The following NBAS variants were observed in gnomAD, a reference collection of about 807,000 sequenced individuals.
NBAS encodes NBAS subunit of NRZ tethering complex, also known as NAG/BC035112 fusion.
NBAS carries 219 observed loss-of-function variants against 302.5 expected under a neutral mutation model. The observed-to-expected ratio is 0.72, with a 90% confidence interval of 0.65 to 0.81. The LOEUF is 0.81. Among genes scored for constraint, NBAS ranks in the 30% least tolerant of loss-of-function variants. NBAS has a pLI of 0.00. For synonymous variants in NBAS, 1,118 were observed against 1,021.6 expected (o/e 1.09, Z -1.80); for missense variants, 2,932 against 2,841.6 (o/e 1.03, Z -0.72).
chr2:15,517,872 A>G (rs1416780162), intron 9 of NBAS, among the ~76,000 whole-genome samples: 1 of 152,152 alleles, frequency 6.6e-6, no homozygotes, highest in East Asian at 1.9e-4. Context: ...TCACAAGAAT[A>G]TCCTACACAT....
chr2:15,010,772 G>A, the NBAS span, among the ~76,000 whole-genome samples: 1 of 152,168 alleles, frequency 6.6e-6, no homozygotes, highest in Non-Finnish European at 1.5e-5. Flanking sequence ...AACACAAAAT[G>A]TGGCTCCAGA....
chr2:15,109,179 G>A, the NBAS span, among the ~76,000 whole-genome samples: 26 of 152,206 alleles, frequency 1.7e-4, no homozygotes, highest in African/African-American at 5.3e-4. Context: ...TAGGGTCCCC[G>A]CTGTATATTA....
chr2:15,422,922 CT>C (rs370772387), intron 23 of NBAS, among the ~76,000 whole-genome samples: 1 of 152,300 alleles, frequency 6.6e-6, no homozygotes, highest in African/African-American at 2.4e-5. Flanking sequence ...AATCATTTTT[CT>C]TGTTAGCCAG....
rs1182310656 is a variant in NBAS, at chr2:15,379,637, A to G, written c.3555T>C (p.Ser1185=). ...CCATGCAGCTATCAGTGAGGTTGGT[A>G]GAAGAATTGAAGTACTCTCTGCTGG... ...LAASREYFNS[S]TNLTDSCMDL... Residue 1185 remains serine (S), a synonymous_variant, in exon 30 of 52, where the codon TCT becomes TCC. Coordinates refer to ENST00000281513, the MANE Select transcript of NBAS (RefSeq NM_015909.4). 10 of 1,613,764 alleles carry G rather than the reference A, an allele frequency of 6.2e-6. No homozygotes were observed. The Admixed American group carries it at 1.3e-4, about 22-fold the overall frequency.
intron 40 of NBAS, among the ~76,000 whole-genome samples, chr2:15,295,708 T>A (rs951956088): frequency 6.6e-6 from 1 of 152,324 alleles, no homozygotes; most frequent in African/African-American, 2.4e-5. Context: ...AGAGATCATG[T>A]GTATATCATA....
chr2:14,938,379 G>A, the NBAS span, among the ~76,000 whole-genome samples: 5 of 152,144 alleles, frequency 3.3e-5, no homozygotes, highest in African/African-American at 1.2e-4. Context: ...CTCAAGCAGG[G>A]ATGATTATGT....
chr2:14,858,559 C>T, the NBAS span, among the ~76,000 whole-genome samples: 2 of 151,908 alleles, frequency 1.3e-5, no homozygotes, highest in Non-Finnish European at 2.9e-5. Context: ...ATAAGTGAGG[C>T]ACAGAAAGAC....
At chr2:14,905,224 C>T in the NBAS span, among the ~76,000 whole-genome samples, 2 of 152,320 alleles carry the variant, frequency 1.3e-5, no homozygotes, top group South Asian at 2.1e-4. Flanking sequence ...ACTTTACCAG[C>T]CATCTAGACA....
At chr2:14,871,566 G>T in the NBAS span, among the ~76,000 whole-genome samples, 4 of 151,896 alleles carry the variant, frequency 2.6e-5, no homozygotes, top group Admixed American at 6.6e-5. Flanking sequence ...TCATGTAAAA[G>T]ATAAAAGCAA....
At chr2:15,461,401 T>A (rs899383240) in intron 20 of NBAS, 64 bp from the exon 21 acceptor site, 3 of 1,562,968 alleles carry the variant, frequency 1.9e-6, no homozygotes, top group African/African-American at 2.7e-5. Flanking sequence ...TGATTTTATA[T>A]GACAACATTC....
intron 6 of NBAS, among the ~76,000 whole-genome samples, chr2:15,546,163 CT>C (rs1332538566): frequency 6.6e-6 from 1 of 152,014 alleles, no homozygotes; most frequent in African/African-American, 2.4e-5. Context: ...TCACAAAACA[CT>C]TATTTTCATA....
the NBAS span, among the ~76,000 whole-genome samples, chr2:14,939,823 C>T: frequency 6.6e-6 from 1 of 152,172 alleles, no homozygotes; most frequent in Admixed American, 6.5e-5. Context: ...TAAAATCATC[C>T]AAAAATGTCC....
At chr2:14,897,508 A>G in the NBAS span, among the ~76,000 whole-genome samples, 1 of 152,060 alleles carries the variant, frequency 6.6e-6, no homozygotes, top group Non-Finnish European at 1.5e-5. Flanking sequence ...ATAATGAAAT[A>G]TTGATTGTCC....
the NBAS span, among the ~76,000 whole-genome samples, chr2:14,940,805 G>A: frequency 2.8e-3 from 432 of 152,290 alleles, 1 homozygote; most frequent in African/African-American, 1.0e-2. Context: ...AAGAATCCAG[G>A]AAAGACCAGA....
chr2:15,517,040 T>C (rs722328), intron 9 of NBAS, among the ~76,000 whole-genome samples: 96,822 of 151,782 alleles, frequency 0.64, 31,600 homozygotes, highest in Non-Finnish European at 0.68. Flanking sequence ...CAACTAACTA[T>C]CCCACAAACT....
chr2:15,432,505 C>G (rs1290268211), intron 21 of NBAS, among the ~76,000 whole-genome samples: 1 of 152,068 alleles, frequency 6.6e-6, no homozygotes, highest in Non-Finnish European at 1.5e-5. Flanking sequence ...AATTATTTCT[C>G]AAACTAAATA....
chr2:15,240,728 G>A (rs1320241505), intron 44 of NBAS, among the ~76,000 whole-genome samples: 1 of 152,136 alleles, frequency 6.6e-6, no homozygotes, highest in Non-Finnish European at 1.5e-5. Flanking sequence ...GAAATGCACT[G>A]CAAATGCAGC....
At chr2:15,103,919 T>C in the NBAS span, among the ~76,000 whole-genome samples, 1 of 152,202 alleles carries the variant, frequency 6.6e-6, no homozygotes, top group South Asian at 2.1e-4. Flanking sequence ...CTTATTTTTC[T>C]TTCATGCTAA....
chr2:15,411,185 C>G (rs1676669697), intron 25 of NBAS, among the ~76,000 whole-genome samples: 1 of 152,132 alleles, frequency 6.6e-6, no homozygotes. Flanking sequence ...GTCAGCTGAC[C>G]AGGTCACTCA....
Sources: allele counts gnomAD v4.1 joint callset (sites outside exome capture counted in the v4.1 genomes callset), GRCh38; gene constraint gnomAD v4.1.1; transcripts MANE v1.5; gene names NCBI Gene and HGNC (gene_info 2026-07-23, HGNC 2026-07-21).